Variants in GOLGB1 observed in about 807,000 individuals in gnomAD.
GOLGB1 encodes golgin subfamily B member 1.
A neutral mutation model predicts 336.9 loss-of-function variants in GOLGB1; 174 were observed. The ratio of observed to expected loss-of-function variants is 0.52; its 90% CI spans 0.46 to 0.59. The LOEUF is 0.59. Among genes scored for constraint, GOLGB1 ranks in the 20% least tolerant of loss-of-function variants. The probability of loss-of-function intolerance (pLI) is 0.00; values close to 1 mark genes in which losing one functional copy is unlikely to be tolerated. For missense variants in GOLGB1, 3,331 were observed against 3,645.3 expected (o/e 0.91, Z 2.22); for synonymous variants, 1,208 against 1,289.2 (o/e 0.94, Z 1.35).
rs772120164 is a variant in GOLGB1, at chr3:121,694,846, G to A, written c.5677C>T (p.Gln1893Ter). The change falls in exon 13 of 22, where the codon CAG (glutamine) becomes TAG (stop). Residue 1893 changes from glutamine to a stop codon, truncating the protein, a stop_gained. Coordinates refer to ENST00000614479, the MANE Select transcript of GOLGB1 (RefSeq NM_001366282.2). LOFTEE classifies it high-confidence loss of function. ...AGGTTCATTTTGGTTACTTCCTCCT[G>A]AAGCATTTTTAGTTCACCATCCTTT... ...STKDGELKMLQEEVTKMNLLN... is the reference protein window; with the variant it reads ...STKDGELKML The A allele has an allele frequency of 6.2e-7, 1 of 1,613,728 alleles. No homozygotes were observed. Among genetic ancestry groups the A allele is most frequent in the East Asian group, 2.2e-5 (1 of 44,870 alleles).
intron 7 of GOLGB1, 25 bp downstream of exon 7, chr3:121,719,621 A>T: frequency 6.3e-7 from 1 of 1,578,684 alleles, no homozygotes; most frequent in Non-Finnish European, 8.6e-7. Context: ...AATGACAGTC[A>T]TTCTACCGAG....
In GOLGB1 at chr3:121,693,754, T is replaced by C. The variant is rs761533206; in HGVS notation, c.6769A>G (p.Ile2257Val). 1 of 1,600,378 alleles carries C rather than the reference T, an allele frequency of 6.2e-7. No individual in the cohort carries two copies. The highest frequency in any genetic ancestry group is 1.3e-5 in the African/African-American group (1 of 74,514). Residue 2257 changes from isoleucine to valine, a missense_variant, in exon 13 of 22, where the codon ATT (isoleucine) becomes GTT (valine). Physicochemically the swap from Ile to Val is conservative, Grantham distance 29. Transcript: ENST00000614479. ...CTACTCATTTACCTGGAAATGTTAA[T>C]CTTTAATTCTTCCATATGGATGGAC... is the stretch of plus-strand genomic sequence containing the variant. ...QMSIHMEELK[I>V]NISRLEHDKQ...
At chr3:121,715,369 ATTTTTT>A (rs373634444) in intron 9 of GOLGB1, among the ~76,000 whole-genome samples, 4 of 128,594 alleles carry the variant, frequency 3.1e-5, no homozygotes, top group African/African-American at 1.2e-4. Context: ...TGCCTGGCTA[ATTTTTT>A]TTTTTTTTTT....
chr3:121,738,729 G>A (rs1946652755), intron 1 of GOLGB1, among the ~76,000 whole-genome samples: 1 of 152,094 alleles, frequency 6.6e-6, no homozygotes, highest in Non-Finnish European at 1.5e-5. Context: ...TCCAGGATAG[G>A]GTCCCACACT....
rs775818345 is a variant in GOLGB1 at position 121,695,179 on chromosome 3, C to T, written c.5344G>A (p.Glu1782Lys). 14 of 1,613,588 alleles carry T rather than the reference C, an allele frequency of 8.7e-6. No individual in the cohort carries two copies. The highest frequency in any genetic ancestry group is 1.1e-5 in the Non-Finnish European group (13 of 1,179,904). The change falls in exon 13 of 22, where the codon GAG (glutamate) becomes AAG (lysine). Residue 1782 changes from glutamate (E) to lysine (K), a missense_variant. Glu to Lys is a moderately conservative substitution (Grantham distance 56). Coordinates refer to ENST00000614479, the MANE Select transcript of GOLGB1 (RefSeq NM_001366282.2). ...VSKQANLEAT[E>K]KHDNQTNVTE... is the part of the protein sequence containing the mutation. ...ACATTCGTTTGGTTATCATGTTTCT[C>T]GGTGGCCTCTAGGTTAGCTTGTTTA...
chr3:121,696,019 T>C lies in GOLGB1; in HGVS notation c.4504A>G (p.Lys1502Glu). The C allele has an allele frequency of 6.2e-7, 1 of 1,614,166 alleles. No individual in the cohort carries two copies. Among genetic ancestry groups the C allele is most frequent in the Non-Finnish European group, 8.5e-7 (1 of 1,180,018 alleles). Residue 1502 changes from lysine (K) to glutamate (E), a missense_variant, in exon 13 of 22, where the codon AAA (lysine) becomes GAA (glutamate). By Grantham distance (56) the Lys-to-Glu change is moderately conservative. Transcript: ENST00000614479. ...TCCTCTTGGAGACTTTTGTTTTCTT[T>C]TAGTGCTTCTTTTCGGGAAATAAGG... ...AALISRKEAL[K>E]ENKSLQEELS...
At chr3:121,728,349 A>C (rs1945827766) in intron 4 of GOLGB1, among the ~76,000 whole-genome samples, 2 of 152,228 alleles carry the variant, frequency 1.3e-5, no homozygotes, top group South Asian at 4.1e-4. Flanking sequence ...TCATTTCCCA[A>C]GAACTAAGGA....
intron 17 of GOLGB1, among the ~76,000 whole-genome samples, chr3:121,673,685 T>TTCTATCTA (rs1560173066): frequency 3.4e-4 from 48 of 139,256 alleles, no homozygotes; most frequent in African/African-American, 1.2e-3. Context: ...TAAATGGGAT[T>TTCTATCTA]GCTATCTATC....
At chr3:121,715,273 G>A (rs1303101829) in intron 9 of GOLGB1, among the ~76,000 whole-genome samples, 2 of 149,262 alleles carry the variant, frequency 1.3e-5, no homozygotes, top group Middle Eastern at 3.5e-3. Flanking sequence ...GTGCGATCTC[G>A]GCTCACTGTA....
chr3:121,703,433 C>T (rs1313125796), intron 10 of GOLGB1, among the ~76,000 whole-genome samples: 3 of 152,212 alleles, frequency 2.0e-5, no homozygotes, highest in East Asian at 3.9e-4. Flanking sequence ...GAGTTTGGGA[C>T]AAACATAGCT....
At chr3:121,715,003 A>G in intron 9 of GOLGB1, 27 bp from the exon 10 acceptor site, 3 of 1,215,134 alleles carry the variant, frequency 2.5e-6, no homozygotes, top group Non-Finnish European at 3.7e-6. Context: ...AAATAAATGT[A>G]ATATTTGCTT....
At chr3:121,685,341 C>G (rs975242592) in intron 14 of GOLGB1, among the ~76,000 whole-genome samples, 8 of 152,062 alleles carry the variant, frequency 5.3e-5, no homozygotes, top group Admixed American at 3.3e-4. Flanking sequence ...TTGAGACCAC[C>G]CTGGCCAACA....
At chr3:121,744,424 T>C (rs541268684) in intron 1 of GOLGB1, among the ~76,000 whole-genome samples, 9 of 119,230 alleles carry the variant, frequency 7.5e-5, no homozygotes, top group Non-Finnish European at 1.1e-4. Context: ...CTGAGCAACA[T>C]AGTGAGACTG....
rs1940471081 is a variant in GOLGB1 at position 121,676,965 on chromosome 3, G to A, written c.9105C>T (p.Leu3035=). ...TTAAGCTGTCATTGAGCTGGGTCCT[G>A]AGAAGTTCTGTCTCATAAACCAGAT... ...SQNLVYETEL[L]RTQLNDSLKE... Residue 3035 remains leucine (L), a synonymous_variant, in exon 17 of 22, where the codon CTC becomes CTT. Coordinates refer to ENST00000614479, the MANE Select transcript of GOLGB1 (RefSeq NM_001366282.2). 1 of 1,613,434 alleles carries A rather than the reference G, an allele frequency of 6.2e-7. No individual in the cohort carries two copies. The highest frequency in any genetic ancestry group is 8.5e-7 in the Non-Finnish European group (1 of 1,179,480).
At chr3:121,668,197 C>G (rs1166402094) in intron 18 of GOLGB1, 39 bp from the exon 19 acceptor site, 1 of 1,225,482 alleles carries the variant, frequency 8.2e-7, no homozygotes. Flanking sequence ...GTGATGAAAG[C>G]TCTTAAGAAA....
At chr3:121,709,755 C>A (rs1332862452) in intron 10 of GOLGB1, among the ~76,000 whole-genome samples, 5 of 151,798 alleles carry the variant, frequency 3.3e-5, no homozygotes, top group Admixed American at 3.3e-4. Flanking sequence ...CCTTAAGAAG[C>A]TATAAAAAGA....
intron 1 of GOLGB1, among the ~76,000 whole-genome samples, chr3:121,737,970 T>TGAGTACATA: frequency 6.6e-6 from 1 of 152,148 alleles, no homozygotes; most frequent in African/African-American, 2.4e-5. Flanking sequence ...GTGTCATACA[T>TGAGTACATA]GAGTACATAG....
Position 121,716,796 on chromosome 3 carries a change from A to C in GOLGB1, c.1229T>G (p.Leu410Arg). ...CDALKDQNSK[L>R]LQDKNEQAVQ... ...TGCTTGCTCATTCTTATCTTGGAGA[A>C]GCTTTGAATTTTGATCCTTTAGAGC... The change falls in exon 9 of 22, where the codon CTT (leucine) becomes CGT (arginine). Residue 410 changes from leucine to arginine, a missense_variant. Physicochemically the swap from Leu to Arg is moderately radical, Grantham distance 102. Coordinates refer to ENST00000614479, the MANE Select transcript of GOLGB1 (RefSeq NM_001366282.2). 6.2e-7 allele frequency: 1 copy of C among 1,613,656 alleles called. No individual in the cohort carries two copies.
chr3:121,707,122 G>A (rs569251105), intron 10 of GOLGB1, among the ~76,000 whole-genome samples: 9 of 150,996 alleles, frequency 6.0e-5, no homozygotes, highest in Non-Finnish European at 8.8e-5. Flanking sequence ...AGCTACTCGG[G>A]AGGCTGAGGC....
Sources: allele counts gnomAD v4.1 joint callset (sites outside exome capture counted in the v4.1 genomes callset), GRCh38; gene constraint gnomAD v4.1.1; transcripts MANE v1.5; gene names NCBI Gene and HGNC (gene_info 2026-07-23, HGNC 2026-07-21).